ST18: variants seen among roughly 807,000 people sequenced by gnomAD.
The protein encoded by ST18 is ST18 C2H2C-type zinc finger transcription factor, also known as suppression of tumorigenicity 18 protein.
A neutral mutation model predicts 110.0 loss-of-function variants in ST18; 50 were observed. That is an observed-to-expected ratio of 0.45 (90% CI 0.36 to 0.58). The LOEUF is 0.58. Among genes scored for constraint, ST18 ranks in the 20% least tolerant of loss-of-function variants. ST18 has a pLI of 0.00. For synonymous variants in ST18, 461 were observed against 452.4 expected (o/e 1.02, Z -0.24); for missense variants, 1,306 against 1,280.1 (o/e 1.02, Z -0.31).
intron 2 of ST18, chr8:52,405,324 C>G (rs1356589237): frequency 6.6e-6 from 1 of 152,226 alleles, no homozygotes; most frequent in Non-Finnish European, 1.5e-5. Flanking sequence ...TGATTAAGAA[C>G]TCTCCAGCTG....
chr8:52,241,145 G>A (rs1165919183), intron 2 of ST18, among the ~76,000 whole-genome samples: 1 of 152,182 alleles, frequency 6.6e-6, no homozygotes, highest in African/African-American at 2.4e-5. Flanking sequence ...AGGTCCTACT[G>A]TACTGTGATT....
At chr8:52,271,718 A>T (rs554806323) in intron 2 of ST18, among the ~76,000 whole-genome samples, 1 of 152,348 alleles carries the variant, frequency 6.6e-6, no homozygotes, top group Admixed American at 6.5e-5. Context: ...CCCTGAAGAC[A>T]GTAGCTATTT....
Position 52,233,690 on chromosome 8 carries a change from C to G in ST18, c.-464-3613G>C, listed in dbSNP as rs74803927. On this transcript the variant is annotated intron_variant, in intron 2 of 25. Coordinates refer to ENST00000689386, the MANE Select transcript of ST18 (RefSeq NM_001352837.2). The stretch of plus-strand genomic sequence containing the variant: ...TCAGGCGTTTCGTCCAATGCTTATC[C>G]AATTTAAGTCTATTATTTTCATTGG... Among the ~76,000 whole-genome samples the G allele has an allele frequency of 2.6e-4, 40 of 152,250 alleles. No individual in the cohort carries two copies. In the East Asian group the frequency reaches 7.1e-3, roughly 27 times the overall value.
chr8:52,120,065 T>G (rs964214164), intron 23 of ST18, among the ~76,000 whole-genome samples: 7 of 152,222 alleles, frequency 4.6e-5, no homozygotes, highest in Admixed American at 3.3e-4. Flanking sequence ...TATCTGGGAC[T>G]CAGGATTCAT....
intron 2 of ST18, among the ~76,000 whole-genome samples, chr8:52,350,273 G>A (rs540879682): frequency 3.3e-5 from 5 of 152,222 alleles, no homozygotes; most frequent in Middle Eastern, 3.4e-3. Flanking sequence ...ATTCTATGAC[G>A]GACAGAGGGA....
intron 2 of ST18, among the ~76,000 whole-genome samples, chr8:52,253,609 T>C (rs890773152): frequency 6.6e-6 from 1 of 152,164 alleles, no homozygotes; most frequent in African/African-American, 2.4e-5. Flanking sequence ...ATTTTGACTT[T>C]TCAAAAAGCA....
chr8:52,349,726 G>T (rs1030644113), intron 2 of ST18, among the ~76,000 whole-genome samples: 2 of 152,210 alleles, frequency 1.3e-5, no homozygotes, highest in African/African-American at 4.8e-5. Flanking sequence ...CTGTGTATCA[G>T]TCAGGGTCCT....
At chr8:52,305,270 C>G (rs897877750) in intron 2 of ST18, among the ~76,000 whole-genome samples, 1 of 152,170 alleles carries the variant, frequency 6.6e-6, no homozygotes, top group Non-Finnish European at 1.5e-5. Flanking sequence ...AAGCCTTTCA[C>G]TTGGGCTTCC....
chr8:52,328,609 C>A (rs942110956), intron 2 of ST18, among the ~76,000 whole-genome samples: 2 of 152,162 alleles, frequency 1.3e-5, no homozygotes, highest in African/African-American at 4.8e-5. Flanking sequence ...TCTGATTAAG[C>A]AGCACTTCAC....
chr8:52,328,585 C>T (rs1807588855), intron 2 of ST18, among the ~76,000 whole-genome samples: 1 of 152,154 alleles, frequency 6.6e-6, no homozygotes. Flanking sequence ...CATAAGCTCC[C>T]TCCATCACCC....
chr8:52,122,531 G>A (rs2045355625), intron 23 of ST18, among the ~76,000 whole-genome samples: 1 of 151,976 alleles, frequency 6.6e-6, no homozygotes, highest in Non-Finnish European at 1.5e-5. Context: ...CACCCAGGCT[G>A]GAGTGCAGTG....
chr8:52,381,770 T>G (rs1834607994), intron 2 of ST18, among the ~76,000 whole-genome samples: 1 of 152,116 alleles, frequency 6.6e-6, no homozygotes, highest in African/African-American at 2.4e-5. Flanking sequence ...ACTAGAATTC[T>G]CCCATCTGAG....
At chr8:52,393,857 G>T (rs549366110) in intron 2 of ST18, 2 of 149,144 alleles carry the variant, frequency 1.3e-5, no homozygotes, top group Admixed American at 1.3e-4. Flanking sequence ...TACTCCGCCT[G>T]GGCGACAAGA....
At chr8:52,332,517 G>A (rs1425661939) in intron 2 of ST18, among the ~76,000 whole-genome samples, 1 of 137,932 alleles carries the variant, frequency 7.2e-6, no homozygotes. Flanking sequence ...TTTCCCAAGA[G>A]CATCTAATGT....
chr8:52,370,029 C>T (rs570342471), intron 2 of ST18, among the ~76,000 whole-genome samples: 21 of 152,298 alleles, frequency 1.4e-4, no homozygotes, highest in East Asian at 5.8e-4. Context: ...CGTGGTCACC[C>T]GCTCCTCACA....
At chr8:52,393,286 A>C (rs900847338) in intron 2 of ST18, among the ~76,000 whole-genome samples, 5 of 152,190 alleles carry the variant, frequency 3.3e-5, no homozygotes, top group African/African-American at 1.2e-4. Context: ...AAACATAGTC[A>C]GTGATGCCCA....
At chr8:52,339,900 T>A (rs1814072146) in intron 2 of ST18, among the ~76,000 whole-genome samples, 1 of 152,276 alleles carries the variant, frequency 6.6e-6, no homozygotes, top group African/African-American at 2.4e-5. Context: ...CCCTTTGATA[T>A]TGGCATTAGG....
At chr8:52,320,898 G>C (rs1386429616) in intron 2 of ST18, among the ~76,000 whole-genome samples, 10 of 152,204 alleles carry the variant, frequency 6.6e-5, no homozygotes, top group Non-Finnish European at 1.2e-4. Context: ...CATTGTTCAT[G>C]TCAGTGGAAA....
At chr8:52,178,403 G>A (rs1471237074) in intron 9 of ST18, among the ~76,000 whole-genome samples, 16 of 151,478 alleles carry the variant, frequency 1.1e-4, no homozygotes, top group African/African-American at 1.7e-4. Context: ...TGAGGCAGGC[G>A]ATCACTTCAG....
Sources: gnomAD v4.1 joint callset for allele counts (sites outside exome capture counted in the v4.1 genomes callset) on GRCh38, gnomAD v4.1.1 for gene constraint, MANE v1.5 for transcripts, NCBI Gene and HGNC (gene_info 2026-07-23, HGNC 2026-07-21) for gene names.